Variants in ANKS1B observed in about 807,000 individuals in gnomAD.
ANKS1B encodes ankyrin repeat and sterile alpha motif domain containing 1B, also known as ankyrin repeat and sterile alpha motif domain-containing protein 1B.
A neutral mutation model predicts 148.3 loss-of-function variants in ANKS1B; 36 were observed. The ratio of observed to expected loss-of-function variants is 0.24; its 90% confidence interval spans 0.19 to 0.32. The LOEUF (loss-of-function observed/expected upper bound fraction) is 0.32. ANKS1B is among the 10% of genes least tolerant of loss of function. The pLI, the probability that ANKS1B is intolerant of heterozygous loss-of-function variation, is 1.00. For missense variants in ANKS1B, 1,157 were observed against 1,542.6 expected, an observed-to-expected ratio of 0.75 and a Z score of 4.19; for synonymous variants, 542 against 560.8, an observed-to-expected ratio of 0.97 and a Z score of 0.47.
In ANKS1B at chr12:99,831,407, T is replaced by C. The variant is rs369299553; in HGVS notation, c.135-6018A>G. Among the ~76,000 whole-genome samples, 76 of 152,302 alleles carry C rather than the reference T, an allele frequency of 5.0e-4. No individual in the cohort carries two copies. In the South Asian group the frequency reaches 0.015, roughly 30 times the overall value. On this transcript the variant is annotated intron_variant, in intron 1 of 26. Transcript: ENST00000683438. ...GACATTACATGTTTAAAAGCTTTCATAGTGTGCAAATGTGTTACCTAGAAA... is the reference window on the plus strand; with the variant it reads ...GACATTACATGTTTAAAAGCTTTCACAGTGTGCAAATGTGTTACCTAGAAA...
intron 17 of ANKS1B, among the ~76,000 whole-genome samples, chr12:98,974,226 GTGT>G (rs2099887844): frequency 6.6e-6 from 1 of 152,166 alleles, no homozygotes; most frequent in Admixed American, 6.5e-5. Flanking sequence ...ATCCAGCTCA[GTGT>G]TGTTTGTGTT....
chr12:99,829,193 C>T (rs957328596), intron 1 of ANKS1B, among the ~76,000 whole-genome samples: 1 of 151,648 alleles, frequency 6.6e-6, no homozygotes, highest in African/African-American at 2.4e-5. Context: ...ATTATCAGAA[C>T]TGAAGGACAT....
At chr12:99,114,394 C>T (rs190762516) in intron 15 of ANKS1B, among the ~76,000 whole-genome samples, 168 of 152,252 alleles carry the variant, frequency 1.1e-3, no homozygotes, top group Non-Finnish European at 1.5e-3. Flanking sequence ...TAGACAACTA[C>T]AGAATGGAAG....
At chr12:99,967,869 G>C (rs546351441) in intron 1 of ANKS1B, among the ~76,000 whole-genome samples, 2 of 147,764 alleles carry the variant, frequency 1.4e-5, no homozygotes, top group African/African-American at 5.0e-5. Flanking sequence ...ATCACACCAC[G>C]GCACTCCAGC....
chr12:99,972,156 A>G (rs1056575624), intron 1 of ANKS1B, among the ~76,000 whole-genome samples: 3 of 152,182 alleles, frequency 2.0e-5, no homozygotes, highest in African/African-American at 7.2e-5. Flanking sequence ...TCCCTCGGAT[A>G]CAACAATATT....
chr12:99,128,365 C>G lies in ANKS1B; in HGVS notation c.2526+25924G>C, dbSNP rs1017858091. Among the ~76,000 whole-genome samples, 6 of 152,278 alleles carry G rather than the reference C, an allele frequency of 3.9e-5. No homozygotes were observed. The Middle Eastern group carries it at 0.01, about 259-fold the overall frequency. ...TATGAAAAGACAGTATTGCTAGTGT[C>G]CTGTTGCTGCATGGGTGATGAAATT... On this transcript the variant is annotated intron_variant, in intron 15 of 26. Coordinates refer to ENST00000683438, the MANE Select transcript of ANKS1B (RefSeq NM_001352186.2).
chr12:99,876,943 T>C (rs2092125053), intron 1 of ANKS1B, among the ~76,000 whole-genome samples: 1 of 152,168 alleles, frequency 6.6e-6, no homozygotes, highest in African/African-American at 2.4e-5. Flanking sequence ...TACACTACCA[T>C]CAAGGTTCTC....
At chr12:99,671,140 C>T (rs192057589) in intron 8 of ANKS1B, among the ~76,000 whole-genome samples, 1 of 152,116 alleles carries the variant, frequency 6.6e-6, no homozygotes, top group Non-Finnish European at 1.5e-5. Flanking sequence ...TGAAGTATAT[C>T]TTATCTCTGT....
chr12:99,092,470 G>GAAAAA (rs5800375), intron 15 of ANKS1B, among the ~76,000 whole-genome samples: 1 of 116,690 alleles, frequency 8.6e-6, no homozygotes, highest in African/African-American at 3.2e-5. Flanking sequence ...CTGTGAAGCT[G>GAAAAA]AAAAAAAAAA....
Position 99,490,301 on chromosome 12 carries a change from G to T in ANKS1B, c.1438+14175C>A, listed in dbSNP as rs190700599. Among the ~76,000 whole-genome samples, 93 of 152,336 alleles carry T rather than the reference G, an allele frequency of 6.1e-4. 1 individual carries two copies. The highest frequency in any genetic ancestry group is 2.1e-3 in the African/African-American group (88 of 41,584). On this transcript the variant is annotated intron_variant, in intron 10 of 26. Coordinates refer to ENST00000683438, the MANE Select transcript of ANKS1B (RefSeq NM_001352186.2). Reference sequence around the variant, plus strand: ...TGAATAATGCACTGAGAACTACAGTGATTTCTCAATGCCAGATTTGCTTCT... The same window carrying T: ...TGAATAATGCACTGAGAACTACAGTTATTTCTCAATGCCAGATTTGCTTCT...
chr12:99,881,029 A>G (rs2092446628), intron 1 of ANKS1B, among the ~76,000 whole-genome samples: 1 of 152,204 alleles, frequency 6.6e-6, no homozygotes, highest in South Asian at 2.1e-4. Flanking sequence ...AGAGTAAAGA[A>G]TTGCAGATGG....
intron 25 of ANKS1B, among the ~76,000 whole-genome samples, chr12:98,757,937 CGT>C (rs34397440): frequency 0.22 from 25,016 of 112,942 alleles, 2,234 homozygotes; most frequent in Middle Eastern, 0.34. Context: ...CATGTGTGCA[CGT>C]GTGTGTGTGT....
chr12:99,943,800 C>T (rs1358381866), intron 1 of ANKS1B, among the ~76,000 whole-genome samples: 1 of 151,712 alleles, frequency 6.6e-6, no homozygotes, highest in Non-Finnish European at 1.5e-5. Context: ...TTTGAAACTA[C>T]AACTCATTCT....
chr12:99,091,064 TTTTAGC>T (rs1204835352), intron 15 of ANKS1B, among the ~76,000 whole-genome samples: 1 of 152,164 alleles, frequency 6.6e-6, no homozygotes, highest in Non-Finnish European at 1.5e-5. Flanking sequence ...ATTTTCATGT[TTTTAGC>T]TTATGAAGAA....
rs1005903129 is a variant in ANKS1B, at chr12:99,161,214, T to A, written c.2420-6819A>T. On this transcript the variant is annotated intron_variant, in intron 14 of 26. Transcript: ENST00000683438. ...GAAACTGAGGTTATTTGACACAGAG[T>A]GTGCGGAAGTTTAAGCCTAAACGTG... Among the ~76,000 whole-genome samples, 6 of 151,966 alleles carry A rather than the reference T, an allele frequency of 3.9e-5. 1 individual carries two copies. The highest frequency in any genetic ancestry group is 9.7e-5 in the African/African-American group (4 of 41,370).
chr12:99,947,478 C>T (rs2095097982), intron 1 of ANKS1B, among the ~76,000 whole-genome samples: 2 of 151,820 alleles, frequency 1.3e-5, no homozygotes, highest in Non-Finnish European at 2.9e-5. Context: ...AGAAACGTAA[C>T]AATGAAAAGA....
intron 12 of ANKS1B, among the ~76,000 whole-genome samples, chr12:99,296,570 T>G (rs1270948250): frequency 6.6e-6 from 1 of 152,180 alleles, no homozygotes; most frequent in Non-Finnish European, 1.5e-5. Flanking sequence ...CAATTTAAAT[T>G]TATATCCCTC....
At chr12:98,784,071 T>C (rs1174421497) in intron 22 of ANKS1B, among the ~76,000 whole-genome samples, 2 of 152,192 alleles carry the variant, frequency 1.3e-5, no homozygotes, top group African/African-American at 4.8e-5. Context: ...ATTCCACAGA[T>C]GAAGAAGCCA....
intron 4 of ANKS1B, among the ~76,000 whole-genome samples, chr12:99,793,386 C>G (rs1269717347): frequency 6.6e-6 from 1 of 151,842 alleles, no homozygotes; most frequent in Non-Finnish European, 1.5e-5. Context: ...CCAAAGCAAA[C>G]CTGAGCAAAA....
Sources: gnomAD v4.1 joint callset for allele counts (sites outside exome capture counted in the v4.1 genomes callset) on GRCh38, gnomAD v4.1.1 for gene constraint, MANE v1.5 for transcripts, NCBI Gene and HGNC (gene_info 2026-07-23, HGNC 2026-07-21) for gene names.